Variants in CHFR observed in about 807,000 individuals in gnomAD.
The protein encoded by CHFR is checkpoint with forkhead and ring finger domains.
Under a neutral mutation model 87.6 loss-of-function variants are expected in CHFR, and 57 were observed. The observed-to-expected ratio is 0.65, with a 90% CI of 0.53 to 0.81. CHFR has a LOEUF of 0.81. Ranked by LOEUF, CHFR falls within the 30% of genes least tolerant of loss-of-function variation. The pLI is 0.00. For missense variants in CHFR, 797 were observed against 865.8 expected (o/e 0.92, Z 1.00); for synonymous variants, 381 against 359.2 (o/e 1.06, Z -0.69).
rs768284336 is a variant in CHFR at position 132,887,353 on chromosome 12, C to G, written c.-12-13G>C. 4 of 1,389,804 alleles carry G rather than the reference C, an allele frequency of 2.9e-6. No homozygotes were observed. Among genetic ancestry groups the G allele is most frequent in the Non-Finnish European group, 3.7e-6 (4 of 1,072,042 alleles). The allele number at this position is 1,389,804 out of a possible 1,614,324, so 86.1% of individuals were successfully genotyped here. ...TCGGGATTCACATCTGCGGAGACCC[C>G]GGAAACGCCCATGGAGACTCCCGAC... On this transcript the variant is annotated splice_polypyrimidine_tract_variant and intron_variant, in intron 1 of 17. Transcript: ENST00000450056.
chr12:132,841,418 C>T lies in CHFR; in HGVS notation c.*136G>A. The T allele has an allele frequency of 2.6e-6, 2 of 769,450 alleles. No individual in the cohort carries two copies. Among genetic ancestry groups the T allele is most frequent in the Non-Finnish European group, 4.5e-6 (2 of 441,678 alleles). The allele number at this position is 769,450 out of a possible 1,614,324, so 47.7% of individuals were successfully genotyped here. A position where few individuals can be genotyped will look rare whatever the true frequency, so the allele number is the denominator to read the frequency against. On this transcript the variant is annotated 3_prime_UTR_variant, in exon 18 of 18. Coordinates refer to ENST00000450056, the MANE Select transcript of CHFR (RefSeq NM_001161346.2). ...GGGTAAAGCTCCACAGAAGAGTCAC[C>T]CCAGAGCACCTGTCGGAGACCCTGC...
intron 6 of CHFR, among the ~76,000 whole-genome samples, chr12:132,864,523 C>T (rs1028746946): frequency 2.6e-5 from 4 of 152,166 alleles, no homozygotes; most frequent in Non-Finnish European, 5.9e-5. Context: ...GAGTCTTGTG[C>T]TGTCACCCAG....
chr12:132,838,268 G>A lies in CHFR; in HGVS notation c.*3286C>T, dbSNP rs2136900135. 6.6e-6 allele frequency: 1 copy of A among 152,502 alleles called. No homozygotes were observed. Among genetic ancestry groups the A allele is most frequent in the East Asian group, 1.9e-4 (1 of 5,188 alleles). 9.4% of individuals were successfully genotyped at this position (152,502 alleles called of 1,614,324 possible). A position where few individuals can be genotyped will look rare whatever the true frequency, so the allele number is the denominator to read the frequency against. ...CCTGAGGTCATTAAGATGACTTAAAGCAGATTTAAAACAGCCTTTGTAGCT... is the reference window on the plus strand; with the variant it reads ...CCTGAGGTCATTAAGATGACTTAAAACAGATTTAAAACAGCCTTTGTAGCT... On this transcript the variant is annotated 3_prime_UTR_variant, in exon 18 of 18. Transcript: ENST00000450056.
chr12:132,881,285 C>T (rs967925481), intron 2 of CHFR, among the ~76,000 whole-genome samples: 1 of 151,472 alleles, frequency 6.6e-6, no homozygotes, highest in East Asian at 1.9e-4. Context: ...AAAATCTGTT[C>T]TTCAAAGATA....
chr12:132,872,220 TCAGAGAGCGC>T, intron 4 of CHFR, 55 bp downstream of exon 4: 1 of 1,000,340 alleles, frequency 1.0e-6, no homozygotes, highest in Non-Finnish European at 1.6e-6. Context: ...GGAGGAACGT[TCAGAGAGCGC>T]CCTCACGTGC....
rs988125067 is a variant in CHFR at position 132,872,151 on chromosome 12, T to C, written c.343+134A>G. Reference sequence around the variant, plus strand: ...AGACACTATTCACGGCAGGAACCCATGTGAGCAAGAAATGGGGTGTAGCCA... The same window carrying C: ...AGACACTATTCACGGCAGGAACCCACGTGAGCAAGAAATGGGGTGTAGCCA... On this transcript the variant is annotated intron_variant, in intron 4 of 17. Transcript: ENST00000450056. 73 of 655,632 alleles carry C rather than the reference T, an allele frequency of 1.1e-4. 1 individual carries two copies. The Admixed American group carries it at 1.7e-3, about 15-fold the overall frequency. The allele number at this position is 655,632 out of a possible 1,614,324, so 40.6% of individuals were successfully genotyped here. A position where few individuals can be genotyped will look rare whatever the true frequency, so the allele number is the denominator to read the frequency against.
In CHFR at chr12:132,838,259, T is replaced by G. The variant is rs1023646170; in HGVS notation, c.*3295A>C. The G allele has an allele frequency of 4.6e-5, 7 of 152,516 alleles. No homozygotes were observed. Among genetic ancestry groups the G allele is most frequent in the African/African-American group, 1.7e-4 (7 of 41,574 alleles). 9.4% of individuals were successfully genotyped at this position (152,516 alleles called of 1,614,324 possible). On this transcript the variant is annotated 3_prime_UTR_variant, in exon 18 of 18. Coordinates refer to ENST00000450056, the MANE Select transcript of CHFR (RefSeq NM_001161346.2). The stretch of plus-strand genomic sequence containing the variant: ...CCTGCTGGCCCTGAGGTCATTAAGA[T>G]GACTTAAAGCAGATTTAAAACAGCC...
In CHFR at chr12:132,841,406, C is replaced by G; in HGVS notation, c.*148G>C. On this transcript the variant is annotated 3_prime_UTR_variant, in exon 18 of 18. Coordinates refer to ENST00000450056, the MANE Select transcript of CHFR (RefSeq NM_001161346.2). ...GTCTCACTCAGAGGGTAAAGCTCCA[C>G]AGAAGAGTCACCCCAGAGCACCTGT... The G allele has an allele frequency of 4.2e-6, 3 of 709,948 alleles. No homozygotes were observed. Among genetic ancestry groups the G allele is most frequent in the Non-Finnish European group, 7.4e-6 (3 of 404,770 alleles). The allele number at this position is 709,948 out of a possible 1,614,324, so 44.0% of individuals were successfully genotyped here.
chr12:132,880,407 A>G (rs1593532914), intron 2 of CHFR, among the ~76,000 whole-genome samples: 1 of 152,168 alleles, frequency 6.6e-6, no homozygotes, highest in East Asian at 1.9e-4. Context: ...CTGTAATCCC[A>G]GCACTTTGGG....
chr12:132,851,736 T>C lies in CHFR; in HGVS notation c.1374A>G (p.Ala458=), dbSNP rs757077660. ...APSTSVSLTT[A]VQDYVCPLQG... ...GCAGAGGGCACACGTAATCCTGGAC[T>C]GCTGAAGCACACGCACATTCAGCCG... Residue 458 remains alanine (A), a splice_region_variant and synonymous_variant, in exon 12 of 18, where the codon GCA becomes GCG. Transcript: ENST00000450056. 6.2e-7 allele frequency: 1 copy of C among 1,610,200 alleles called. No individual in the cohort carries two copies. The highest frequency in any genetic ancestry group is 1.1e-5 in the South Asian group (1 of 90,876).
intron 12 of CHFR, among the ~76,000 whole-genome samples, chr12:132,850,852 GA>G (rs1950923331): frequency 6.6e-6 from 1 of 151,298 alleles, no homozygotes; most frequent in Non-Finnish European, 1.5e-5. Flanking sequence ...GACAAATTAG[GA>G]AGTCATAAAA....
intron 6 of CHFR, among the ~76,000 whole-genome samples, chr12:132,862,616 A>T (rs1951239542): frequency 6.6e-6 from 1 of 150,412 alleles, no homozygotes. Flanking sequence ...TTTGAGACGG[A>T]CTCTTGCTCT....
intron 14 of CHFR, chr12:132,847,716 G>C: frequency 8.9e-7 from 1 of 1,128,912 alleles, no homozygotes; most frequent in Non-Finnish European, 1.1e-6. Flanking sequence ...AAGGCAAATG[G>C]CCAGAAGAGA....
chr12:132,848,250 TAC>T, intron 13 of CHFR, 95 bp from the exon 14 acceptor site: 1 of 1,577,334 alleles, frequency 6.3e-7, no homozygotes, highest in African/African-American at 1.4e-5. Flanking sequence ...TTCTTTTCAT[TAC>T]AGATTCTAGA....
intron 4 of CHFR, among the ~76,000 whole-genome samples, chr12:132,871,208 C>G (rs1334997594): frequency 6.6e-6 from 1 of 151,362 alleles, no homozygotes; most frequent in African/African-American, 2.4e-5. Context: ...TCCCAGCACT[C>G]TGGGAGGCCG....
chr12:132,861,363 G>T, intron 7 of CHFR, 104 bp downstream of exon 7: 1 of 1,173,484 alleles, frequency 8.5e-7, no homozygotes, highest in Non-Finnish European at 1.2e-6. Context: ...GGGTCCACAT[G>T]CCCCTGCAGG....
chr12:132,849,632 G>A lies in CHFR; in HGVS notation c.1493-908C>T, dbSNP rs1437782934. ...TTTTTTTGAGACAGAGTCTTGCTCT[G>A]TGGCCTAGGCTGGAGTATAGTGGAG... On this transcript the variant is annotated intron_variant, in intron 12 of 17. Transcript: ENST00000450056. The A allele has an allele frequency of 4.1e-5, 6 of 147,912 alleles. No individual in the cohort carries two copies. In the Middle Eastern group the frequency reaches 0.017, roughly 425 times the overall value. 9.2% of individuals were successfully genotyped at this position (147,912 alleles called of 1,614,324 possible).
intron 15 of CHFR, among the ~76,000 whole-genome samples, 175 bp downstream of exon 15, chr12:132,846,868 G>A (rs113311106): frequency 1.6e-4 from 24 of 152,252 alleles, no homozygotes; most frequent in East Asian, 9.7e-4. Context: ...CAACAAGAGC[G>A]AGACTCCATC....
At chr12:132,864,094 T>C (rs7312722) in intron 6 of CHFR, among the ~76,000 whole-genome samples, 39,975 of 151,750 alleles carry the variant, frequency 0.26, 5,594 homozygotes, top group Middle Eastern at 0.42. Context: ...GAATAACCTA[T>C]ATCTTAATAA....
Sources: allele counts gnomAD v4.1 joint callset (sites outside exome capture counted in the v4.1 genomes callset), GRCh38; gene constraint gnomAD v4.1.1; transcripts MANE v1.5; gene names NCBI Gene and HGNC (gene_info 2026-07-23, HGNC 2026-07-21).